The following FOCAD variants were observed in gnomAD, a reference collection of about 807,000 sequenced individuals.
FOCAD encodes KIAA1797.
In FOCAD, 198 loss-of-function variants were observed where a neutral mutation model predicts 225.6. The observed-to-expected ratio is 0.88, with a 90% confidence interval of 0.78 to 0.99. The LOEUF (loss-of-function observed/expected upper bound fraction) is 0.99. Ranked by LOEUF, FOCAD falls within the 50% of genes least tolerant of loss-of-function variation. The pLI is 0.00. For synonymous variants in FOCAD, 897 were observed against 755.0 expected, an observed-to-expected ratio of 1.19 and a Z score of -3.08; for missense variants, 2,713 against 2,123.6, an observed-to-expected ratio of 1.28 and a Z score of -5.46.
chr9:20,806,722 G>A (rs555455406), intron 11 of FOCAD, among the ~76,000 whole-genome samples: 5 of 151,934 alleles, frequency 3.3e-5, no homozygotes, highest in African/African-American at 9.7e-5. Flanking sequence ...AGCATTTTCT[G>A]TTACTAGATT....
intron 2 of FOCAD, among the ~76,000 whole-genome samples, chr9:20,674,776 C>T (rs1024134619): frequency 2.0e-5 from 3 of 152,214 alleles, no homozygotes; most frequent in African/African-American, 7.2e-5. Context: ...ACTATTTACT[C>T]AGTAATATTT....
intron 14 of FOCAD, among the ~76,000 whole-genome samples, chr9:20,821,645 A>G (rs1027388887): frequency 4.6e-5 from 7 of 152,126 alleles, no homozygotes; most frequent in African/African-American, 1.7e-4. Flanking sequence ...AAATAATACA[A>G]GTCAAGCTCT....
intron 2 of FOCAD, among the ~76,000 whole-genome samples, chr9:20,672,469 G>C (rs1043738250): frequency 7.2e-5 from 11 of 152,082 alleles, no homozygotes; most frequent in African/African-American, 2.7e-4. Context: ...TATTATTTTT[G>C]AGATGGAGTC....
At chr9:20,889,906 T>C (rs1445747834) in intron 21 of FOCAD, among the ~76,000 whole-genome samples, 1 of 152,148 alleles carries the variant, frequency 6.6e-6, no homozygotes, top group Non-Finnish European at 1.5e-5. Flanking sequence ...TTTTGTATTA[T>C]AAATCTTGGA....
At chr9:20,839,284 G>C (rs563049779) in intron 15 of FOCAD, among the ~76,000 whole-genome samples, 1 of 141,256 alleles carries the variant, frequency 7.1e-6, no homozygotes, top group Admixed American at 7.3e-5. Context: ...TTTGAGACTA[G>C]GTTTACTGCT....
At chr9:20,889,381 T>C (rs1244338933) in intron 21 of FOCAD, among the ~76,000 whole-genome samples, 6 of 152,246 alleles carry the variant, frequency 3.9e-5, no homozygotes, top group Non-Finnish European at 7.3e-5. Context: ...ATCTTTCAGC[T>C]AATGGATCTC....
intron 19 of FOCAD, 69 bp from the exon 20 acceptor site, chr9:20,881,802 A>G (rs770149094): frequency 1.3e-6 from 2 of 1,494,804 alleles, no homozygotes; most frequent in Non-Finnish European, 1.8e-6. Context: ...TATATGAGTT[A>G]AGAACGCATG....
At chr9:20,988,236 C>A in intron 40 of FOCAD, 96 bp from the exon 41 acceptor site, 1 of 666,368 alleles carries the variant, frequency 1.5e-6, no homozygotes, top group Non-Finnish European at 2.6e-6. Context: ...GAATCCTCAC[C>A]AGGTGTTCTG....
intron 11 of FOCAD, among the ~76,000 whole-genome samples, chr9:20,799,661 G>T (rs1288405738): frequency 6.6e-6 from 1 of 152,062 alleles, no homozygotes; most frequent in African/African-American, 2.4e-5. Flanking sequence ...CCAAGACTAG[G>T]ATTACAACCC....
At chr9:20,901,772 A>T (rs1026298301) in intron 21 of FOCAD, among the ~76,000 whole-genome samples, 1 of 151,940 alleles carries the variant, frequency 6.6e-6, no homozygotes, top group African/African-American at 2.4e-5. Flanking sequence ...AGCTTACATC[A>T]TACAGATTTA....
chr9:20,702,271 T>G (rs1008617238), intron 1 of FOCAD, among the ~76,000 whole-genome samples: 2 of 151,996 alleles, frequency 1.3e-5, no homozygotes, highest in African/African-American at 2.4e-5. Flanking sequence ...CCCAGCTAAT[T>G]TTTAAAATTT....
chr9:20,965,323 A>T (rs1839161294), intron 35 of FOCAD, among the ~76,000 whole-genome samples: 1 of 152,160 alleles, frequency 6.6e-6, no homozygotes, highest in African/African-American at 2.4e-5. Flanking sequence ...CTGACTCACA[A>T]ATACTTGTTG....
At chr9:20,845,740 A>G (rs971846661) in intron 15 of FOCAD, among the ~76,000 whole-genome samples, 2 of 151,970 alleles carry the variant, frequency 1.3e-5, no homozygotes, top group African/African-American at 2.4e-5. Context: ...TGCTTTCTCT[A>G]TAAGCTTTTC....
chr9:20,888,975 A>G (rs997100208), intron 21 of FOCAD, among the ~76,000 whole-genome samples: 4 of 152,214 alleles, frequency 2.6e-5, no homozygotes, highest in Non-Finnish European at 4.4e-5. Flanking sequence ...GACTGATACA[A>G]GGTGTGATAC....
intron 35 of FOCAD, among the ~76,000 whole-genome samples, chr9:20,972,868 T>G (rs940422469): frequency 1.3e-5 from 2 of 152,222 alleles, no homozygotes; most frequent in African/African-American, 4.8e-5. Context: ...TGCAGCTATT[T>G]TACCTTATGC....
chr9:20,758,030 G>C (rs1829217163), intron 5 of FOCAD, 60 bp from the exon 6 acceptor site: 4 of 1,093,720 alleles, frequency 3.7e-6, no homozygotes, highest in Non-Finnish European at 5.3e-6. Context: ...GCTATATTTG[G>C]ATATTGAAAA....
At chr9:20,848,582 C>G (rs1448494653) in intron 15 of FOCAD, among the ~76,000 whole-genome samples, 1 of 151,936 alleles carries the variant, frequency 6.6e-6, no homozygotes, top group Non-Finnish European at 1.5e-5. Flanking sequence ...TCAGAGAGAG[C>G]TGCTTCTGAG....
chr9:20,712,729 T>C (rs1824958844), intron 1 of FOCAD, among the ~76,000 whole-genome samples: 1 of 116,650 alleles, frequency 8.6e-6, no homozygotes, highest in Non-Finnish European at 1.7e-5. Context: ...TCTCCTATAT[T>C]CTTTTTTTTT....
At chr9:20,984,223 T>C (rs1371006337) in intron 39 of FOCAD, among the ~76,000 whole-genome samples, 1 of 152,240 alleles carries the variant, frequency 6.6e-6, no homozygotes. Context: ...GTGACCTTAA[T>C]TTAAGCAAGT....
Sources: allele counts gnomAD v4.1 joint callset (sites outside exome capture counted in the v4.1 genomes callset), GRCh38; gene constraint gnomAD v4.1.1; transcripts MANE v1.5; gene names NCBI Gene and HGNC (gene_info 2026-07-23, HGNC 2026-07-21).